SPTBN5: variants seen among roughly 807,000 people sequenced by gnomAD.
SPTBN5 encodes the protein spectrin beta chain, non-erythrocytic 5.
A neutral mutation model predicts 477.6 loss-of-function variants in SPTBN5; 513 were observed. The observed-to-expected ratio is 1.07, with a 90% CI of 1.00 to 1.16. The LOEUF (loss-of-function observed/expected upper bound fraction) is 1.16. Among genes scored for constraint, SPTBN5 ranks in the 50% most tolerant of loss-of-function variants. The pLI, the probability that SPTBN5 is intolerant of heterozygous loss-of-function variation, is 0.00. For synonymous variants in SPTBN5, 2,169 were observed against 2,011.7 expected, an observed-to-expected ratio of 1.08 and a Z score of -2.09; for missense variants, 5,062 against 4,731.8, an observed-to-expected ratio of 1.07 and a Z score of -2.05.
At chr15:41,857,759 C>G in intron 49 of SPTBN5, 49 bp from the exon 50 acceptor site, 1 of 1,516,328 alleles carries the variant, frequency 6.6e-7, no homozygotes, top group East Asian at 2.5e-5. Flanking sequence ...ACTGCTGGTA[C>G]CAGGGCACTT....
At chr15:41,875,225 G>A (rs2066683742) in intron 22 of SPTBN5, among the ~76,000 whole-genome samples, 169 bp from the exon 23 acceptor site, 2 of 152,318 alleles carry the variant, frequency 1.3e-5, no homozygotes, top group African/African-American at 4.8e-5. Flanking sequence ...GTTCCCTCAC[G>A]CTTCTTCTTC....
Position 41,879,464 on chromosome 15 carries a change from G to C in SPTBN5, c.2978C>G (p.Ala993Gly). 1 of 1,592,702 alleles carries C rather than the reference G, an allele frequency of 6.3e-7. No homozygotes were observed. The highest frequency in any genetic ancestry group is 1.3e-5 in the African/African-American group (1 of 74,628). ...GQLEALKREKAVQLAHSVEVC... is the reference protein window; with the variant it reads ...GQLEALKREKGVQLAHSVEVC... ...TTCCACACTGTGTGCCAGCTGCACG[G>C]CCTTCTCCCTCTTCAGGGCCTCCAG... is the stretch of plus-strand genomic sequence containing the variant. The change falls in exon 16 of 68, where the codon GCC becomes GGC. Residue 993 changes from alanine to glycine, a missense_variant. Coordinates refer to ENST00000320955, the MANE Select transcript of SPTBN5 (RefSeq NM_016642.4).
At chr15:41,891,905 T>A (rs1348920888) in intron 3 of SPTBN5, among the ~76,000 whole-genome samples, 1 of 152,202 alleles carries the variant, frequency 6.6e-6, no homozygotes, top group Non-Finnish European at 1.5e-5. Context: ...ATGCTGTATA[T>A]TAAAGCTTGG....
chr15:41,878,954 T>A (rs1239329695), intron 16 of SPTBN5, among the ~76,000 whole-genome samples: 1 of 152,052 alleles, frequency 6.6e-6, no homozygotes, highest in East Asian at 1.9e-4. Flanking sequence ...TAGTCCCAGC[T>A]ACTTGGGAGG....
chr15:41,866,501 G>T lies in SPTBN5; in HGVS notation c.6481-8C>A, dbSNP rs757947761. 6.4e-7 allele frequency: 1 copy of T among 1,550,564 alleles called. No homozygotes were observed. Among genetic ancestry groups the T allele is most frequent in the African/African-American group, 1.4e-5 (1 of 72,752 alleles). On this transcript the variant is annotated splice_region_variant and splice_polypyrimidine_tract_variant and intron_variant, in intron 36 of 67. Coordinates refer to ENST00000320955, the MANE Select transcript of SPTBN5 (RefSeq NM_016642.4). ...CTGGATCCAGTCCTCAGCCTGGTGG[G>T]GGTGGGACATGAATGCTGCAATGTT...
Position 41,854,036 on chromosome 15 carries a change from G to A in SPTBN5, c.9774+14C>T, listed in dbSNP as rs1222157566. 6.4e-7 allele frequency: 1 copy of A among 1,550,520 alleles called. No homozygotes were observed. Among genetic ancestry groups the A allele is most frequent in the South Asian group, 1.2e-5 (1 of 84,718 alleles). The stretch of plus-strand genomic sequence containing the variant: ...AGGGGCTCAGACAGGCAGGCTGCAG[G>A]GCGTGGGCCTCACCTCCAGGCGCCT... On this transcript the variant is annotated intron_variant, in intron 57 of 67. Coordinates refer to ENST00000320955, the MANE Select transcript of SPTBN5 (RefSeq NM_016642.4).
At chr15:41,889,852 G>A (rs1401545757) in intron 4 of SPTBN5, among the ~76,000 whole-genome samples, 2 of 152,254 alleles carry the variant, frequency 1.3e-5, no homozygotes, top group African/African-American at 2.4e-5. Flanking sequence ...GACTTGCCCA[G>A]ACCTGGTTTG....
At chr15:41,875,688 G>A in intron 21 of SPTBN5, 66 bp from the exon 22 acceptor site, 1 of 1,485,498 alleles carries the variant, frequency 6.7e-7, no homozygotes, top group Non-Finnish European at 9.0e-7. Context: ...GCCGCAGCAG[G>A]CTGGACCTGG....
chr15:41,857,453 C>T lies in SPTBN5; in HGVS notation c.8406G>A (p.Trp2802Ter). The change falls in exon 51 of 68, where the codon TGG (tryptophan) becomes TGA (stop). Residue 2802 changes from tryptophan to a stop codon, truncating the protein, a stop_gained. Transcript: ENST00000320955. LOFTEE classifies it high-confidence loss of function. The stretch of plus-strand genomic sequence containing the variant: ...TCAGCTCAACCTCGATGGGCTCCAG[C>T]CAGTTCTCCAGTTCCTCCATGCTCC... ...LRRSMEELEN[W>*]LEPIEVELRA... The T allele has an allele frequency of 6.2e-7, 1 of 1,608,302 alleles. No homozygotes were observed. The highest frequency in any genetic ancestry group is 8.5e-7 in the Non-Finnish European group (1 of 1,177,310).
In SPTBN5 at chr15:41,861,471, A is replaced by G. The variant is rs764583602; in HGVS notation, c.7763T>C (p.Met2588Thr). 28 of 1,613,458 alleles carry G rather than the reference A, an allele frequency of 1.7e-5. No homozygotes were observed. The highest frequency in any genetic ancestry group is 1.6e-4 in the Middle Eastern group (1 of 6,084). The change falls in exon 46 of 68, where the codon ATG (methionine) becomes ACG (threonine). Residue 2588 changes from methionine (M) to threonine (T), a missense_variant. Transcript: ENST00000320955. ...TTCCTTGCTGCAAAGCCAACGTTCC[A>G]TCTTCTCCACTGAGCTCAGAAACAG... ...LQLFLSSVEKMERWLCSKEDS... is the reference protein window; with the variant it reads ...LQLFLSSVEKTERWLCSKEDS...
chr15:41,850,492 A>C (rs551995483), intron 66 of SPTBN5: 45 of 269,412 alleles, frequency 1.7e-4, no homozygotes, highest in African/African-American at 9.5e-4. Context: ...AGGTTAGAGA[A>C]GCACCCAGAT....
intron 24 of SPTBN5, 91 bp downstream of exon 24, chr15:41,874,201 T>G: frequency 6.6e-7 from 1 of 1,521,424 alleles, no homozygotes; most frequent in Non-Finnish European, 8.9e-7. Flanking sequence ...GGGTGAGGGC[T>G]TAGAGGCCAG....
intron 31 of SPTBN5, 51 bp downstream of exon 31, chr15:41,870,192 C>G (rs1320881323): frequency 6.6e-6 from 10 of 1,521,328 alleles, no homozygotes; most frequent in Non-Finnish European, 8.0e-6. Flanking sequence ...GGCAGGCCAG[C>G]CTGAGGGGGC....
Position 41,861,895 on chromosome 15 carries a change from A to C in SPTBN5, c.7577T>G (p.Ile2526Ser). 2 of 1,607,334 alleles carry C rather than the reference A, an allele frequency of 1.2e-6. No homozygotes were observed. Among genetic ancestry groups the C allele is most frequent in the Non-Finnish European group, 1.7e-6 (2 of 1,179,232 alleles). The change falls in exon 45 of 68, where the codon ATC becomes AGC. Residue 2526 changes from isoleucine (I) to serine (S), a missense_variant. Physicochemically the swap from Ile to Ser is moderately radical, Grantham distance 142. Transcript: ENST00000320955. ...CTGCCCAGTGCTTCGGGCCAGGCTG[A>C]TGCTGTCTGTCCAGGAGTCCAGCTC... ...KAELDSWTDS[I>S]SLARSTGQQL...
At chr15:41,866,905 A>G in intron 36 of SPTBN5, 54 bp downstream of exon 36, 1 of 1,504,314 alleles carries the variant, frequency 6.6e-7, no homozygotes, top group Non-Finnish European at 8.9e-7. Flanking sequence ...AGGCGGCTGA[A>G]AACTGTCGAG....
intron 24 of SPTBN5, 78 bp downstream of exon 24, chr15:41,874,214 C>T: frequency 1.3e-6 from 2 of 1,534,954 alleles, no homozygotes; most frequent in Non-Finnish European, 1.8e-6. Context: ...GAGGCCAGGA[C>T]ACCTGAGTAG....
At position 41,863,347 on chromosome 15, in the gene SPTBN5, G is replaced by C. The variant is rs542502561; in HGVS notation, c.7149+357C>G. Among the ~76,000 whole-genome samples, 38 of 152,338 alleles carry C rather than the reference G, an allele frequency of 2.5e-4. No homozygotes were observed. In the South Asian group the frequency reaches 7.5e-3, roughly 30 times the overall value. On this transcript the variant is annotated intron_variant, in intron 41 of 67. Transcript: ENST00000320955. ...TTCCAGCCCGGGGCTCTGTGGTTAT[G>C]TACACAGTCCCAGGGCAAACCTCCC...
At chr15:41,853,538 C>G in intron 58 of SPTBN5, 44 bp downstream of exon 58, 1 of 1,542,976 alleles carries the variant, frequency 6.5e-7, no homozygotes. Flanking sequence ...ATACCCCCAC[C>G]CCACAGGGTA....
Position 41,866,474 on chromosome 15 carries a change from G to A in SPTBN5, c.6500C>T (p.Ala2167Val), listed in dbSNP as rs776487294. 14 of 1,581,662 alleles carry A rather than the reference G, an allele frequency of 8.9e-6. No individual in the cohort carries two copies. The highest frequency in any genetic ancestry group is 1.4e-5 in the African/African-American group (1 of 73,420). The change falls in exon 37 of 68, where the codon GCG (alanine) becomes GTG (valine). Residue 2167 changes from alanine (A) to valine (V), a missense_variant. Coordinates refer to ENST00000320955, the MANE Select transcript of SPTBN5 (RefSeq NM_016642.4). ...CGGCTCCTTCAGCTGCTGGGCCCAC[G>A]CCTGGATCCAGTCCTCAGCCTGGTG... ...AATQAEDWIQ[A>V]WAQQLKEPVP... is the part of the protein sequence containing the mutation.
Sources: gnomAD v4.1 joint callset for allele counts (sites outside exome capture counted in the v4.1 genomes callset) on GRCh38, gnomAD v4.1.1 for gene constraint, MANE v1.5 for transcripts, NCBI Gene and HGNC (gene_info 2026-07-23, HGNC 2026-07-21) for gene names.